CACNB4: variants seen among roughly 807,000 people sequenced by gnomAD.
CACNB4 encodes calcium voltage-gated channel auxiliary subunit beta 4.
A neutral mutation model predicts 71.2 loss-of-function variants in CACNB4; 32 were observed. That is an observed-to-expected ratio of 0.45 (90% CI 0.34 to 0.60). The LOEUF (loss-of-function observed/expected upper bound fraction) is 0.60, where lower values mean the gene tolerates loss of function less well. CACNB4 is among the 20% of genes least tolerant of loss of function. The pLI is 0.01. For missense variants in CACNB4, 464 were observed against 647.9 expected, an observed-to-expected ratio of 0.72 and a Z score of 3.08; for synonymous variants, 231 against 236.9, an observed-to-expected ratio of 0.97 and a Z score of 0.23.
chr2:151,852,307 G>A (rs926708657), intron 12 of CACNB4: 1 of 152,116 alleles, frequency 6.6e-6, no homozygotes, highest in African/African-American at 2.4e-5. Flanking sequence ...ATGAAAGGAT[G>A]CATTATTACT....
chr2:152,020,383 A>G (rs897208788), intron 2 of CACNB4, among the ~76,000 whole-genome samples: 1 of 152,190 alleles, frequency 6.6e-6, no homozygotes, highest in African/African-American at 2.4e-5. Flanking sequence ...CAATTTGGCA[A>G]TGAAGTTGTG....
At chr2:151,876,628 A>T in intron 4 of CACNB4, 72 bp from the exon 5 acceptor site, 1 of 889,436 alleles carries the variant, frequency 1.1e-6, no homozygotes, top group Non-Finnish European at 1.6e-6. Context: ...ATCTTAGGGG[A>T]CAAGAAGAAT....
At chr2:152,003,055 G>A (rs185364610) in intron 2 of CACNB4, among the ~76,000 whole-genome samples, 14 of 152,228 alleles carry the variant, frequency 9.2e-5, no homozygotes, top group Non-Finnish European at 1.8e-4. Context: ...CATCTCCAGG[G>A]CCCATGGAAA....
At chr2:152,015,785 C>T (rs957390078) in intron 2 of CACNB4, among the ~76,000 whole-genome samples, 6 of 152,184 alleles carry the variant, frequency 3.9e-5, no homozygotes, top group Non-Finnish European at 1.5e-5. Flanking sequence ...GAGAAATAAA[C>T]TCTGGTTGTC....
intron 2 of CACNB4, among the ~76,000 whole-genome samples, chr2:151,900,602 C>T (rs957851593): frequency 1.3e-5 from 2 of 152,058 alleles, no homozygotes; most frequent in Non-Finnish European, 2.9e-5. Context: ...TCAGGAAAGC[C>T]GGGAGGAAGT....
At chr2:151,966,403 C>T (rs933688301) in intron 2 of CACNB4, among the ~76,000 whole-genome samples, 3 of 152,124 alleles carry the variant, frequency 2.0e-5, no homozygotes, top group Non-Finnish European at 2.9e-5. Flanking sequence ...GCCTCAGTCT[C>T]CTGGGTACCT....
chr2:152,078,387 G>A (rs1051835573), intron 2 of CACNB4, among the ~76,000 whole-genome samples: 1 of 152,172 alleles, frequency 6.6e-6, no homozygotes, highest in East Asian at 1.9e-4. Context: ...TTCATTTGAA[G>A]GAAATGCTTC....
At chr2:152,040,577 A>T (rs1230237503) in intron 2 of CACNB4, among the ~76,000 whole-genome samples, 2 of 152,064 alleles carry the variant, frequency 1.3e-5, no homozygotes, top group Non-Finnish European at 2.9e-5. Flanking sequence ...GAGTAACTGG[A>T]ATTACAGGCG....
At chr2:152,039,896 A>T (rs976451748) in intron 2 of CACNB4, among the ~76,000 whole-genome samples, 1 of 85,552 alleles carries the variant, frequency 1.2e-5, no homozygotes, top group African/African-American at 4.4e-5. Context: ...AGAAAAAAAG[A>T]AGAAGTTTAT....
At chr2:152,027,079 G>A (rs72998962) in intron 2 of CACNB4, among the ~76,000 whole-genome samples, 5 of 152,098 alleles carry the variant, frequency 3.3e-5, no homozygotes, top group South Asian at 4.2e-4. Flanking sequence ...GCTAATTTTC[G>A]TATTTTTAGT....
rs1377124837 is a variant in CACNB4 at position 151,883,246 on chromosome 2, C to A, written c.267+5G>T. 1 of 1,613,912 alleles carries A rather than the reference C, an allele frequency of 6.2e-7. No individual in the cohort carries two copies. ...TTTGAGCCAAAGAGAAGGAAAGAGA[C>A]TCACCTTTGCTCTCTCAAGCTGGAT... is the stretch of plus-strand genomic sequence containing the variant. On this transcript the variant is annotated splice_donor_5th_base_variant and intron_variant, in intron 3 of 13. Transcript: ENST00000539935.
At chr2:151,953,566 G>C (rs2099867462) in intron 2 of CACNB4, among the ~76,000 whole-genome samples, 1 of 152,198 alleles carries the variant, frequency 6.6e-6, no homozygotes, top group Non-Finnish European at 1.5e-5. Flanking sequence ...AAAATTAAGG[G>C]AAAGAATTTG....
chr2:152,009,188 C>CAA (rs756023829), intron 2 of CACNB4, among the ~76,000 whole-genome samples: 87 of 80,076 alleles, frequency 1.1e-3, no homozygotes, highest in East Asian at 3.3e-3. Context: ...GACCCTGTCT[C>CAA]AAAAAAAAAA....
intron 2 of CACNB4, among the ~76,000 whole-genome samples, chr2:152,018,594 A>G (rs890572571): frequency 1.3e-5 from 2 of 152,092 alleles, no homozygotes; most frequent in Non-Finnish European, 2.9e-5. Context: ...CTTGAGCCCA[A>G]GAGTTCGAGA....
At chr2:151,926,012 T>C (rs371310806) in intron 2 of CACNB4, among the ~76,000 whole-genome samples, 2 of 152,166 alleles carry the variant, frequency 1.3e-5, no homozygotes, top group East Asian at 3.8e-4. Context: ...AATGGAGGTA[T>C]TGAGTAGGCA....
At chr2:152,059,846 G>A (rs1426057984) in intron 2 of CACNB4, among the ~76,000 whole-genome samples, 1 of 152,194 alleles carries the variant, frequency 6.6e-6, no homozygotes, top group African/African-American at 2.4e-5. Context: ...CACATGTCTA[G>A]GGAGTGACAA....
At position 152,098,570 on chromosome 2, in the gene CACNB4, A is replaced by ACCCCCCCCC; in HGVS notation, c.64-158_64-157insGGGGGGGGG. 1 of 407,386 alleles carries ACCCCCCCCC rather than the reference A, an allele frequency of 2.5e-6. No homozygotes were observed. The highest frequency in any genetic ancestry group is 3.3e-5 in the Admixed American group (1 of 30,124). The allele number at this position is 407,386 out of a possible 1,614,324, so 25.2% of individuals were successfully genotyped here. A position where few individuals can be genotyped will look rare whatever the true frequency, so the allele number is the denominator to read the frequency against. On this transcript the variant is annotated intron_variant, in intron 1 of 13. Transcript: ENST00000539935. This position sits in a 1 kb window ranked among gnomAD's most constrained non-coding sequence, Gnocchi z 5.3. Reference sequence around the variant, plus strand: ...TCCGCGACTCCCAAATACAGCCCCCACCCCCACCCACCCACTGCAAGCCTC... The same window carrying ACCCCCCCCC: ...TCCGCGACTCCCAAATACAGCCCCCACCCCCCCCCCCCCCACCCACCCACTGCAAGCCTC...
chr2:152,054,478 C>A (rs1451019309), intron 2 of CACNB4, among the ~76,000 whole-genome samples: 3 of 151,618 alleles, frequency 2.0e-5, no homozygotes, highest in African/African-American at 7.3e-5. Context: ...CACTCATCAA[C>A]TGATGACCAT....
chr2:151,913,938 G>A (rs1050409149), intron 2 of CACNB4, among the ~76,000 whole-genome samples: 6 of 152,082 alleles, frequency 3.9e-5, no homozygotes, highest in African/African-American at 7.2e-5. Context: ...TGGAGAATCT[G>A]ATGATTATGT....
Sources: allele counts gnomAD v4.1 joint callset (sites outside exome capture counted in the v4.1 genomes callset), GRCh38; gene constraint gnomAD v4.1.1; non-coding constraint Gnocchi (gnomAD v3.1); transcripts MANE v1.5; gene names NCBI Gene and HGNC (gene_info 2026-07-23, HGNC 2026-07-21).